Variants in WWOX observed in about 807,000 individuals in gnomAD.
WWOX encodes the protein WW domain containing oxidoreductase.
WWOX carries 69 observed loss-of-function variants against 46.2 expected under a neutral mutation model. That is an observed-to-expected ratio of 1.49 (90% confidence interval 1.23 to 1.82). The LOEUF (loss-of-function observed/expected upper bound fraction) is 1.82. WWOX is among the 40% of genes most tolerant of loss of function. The probability of loss-of-function intolerance (pLI) is 0.00; values close to 1 mark genes in which losing one functional copy is unlikely to be tolerated. For missense variants in WWOX, 919 were observed against 542.6 expected (o/e 1.69, Z -6.89); for synonymous variants, 359 against 202.6 (o/e 1.77, Z -6.56).
chr16:78,972,860 T>G (rs1006762866), intron 8 of WWOX, among the ~76,000 whole-genome samples: 1 of 152,236 alleles, frequency 6.6e-6, no homozygotes, highest in Non-Finnish European at 1.5e-5. Context: ...TCCTCTGAAC[T>G]TAACACGTCT....
intron 6 of WWOX, among the ~76,000 whole-genome samples, chr16:78,414,628 C>T (rs146854306): frequency 1.8e-4 from 27 of 152,266 alleles, no homozygotes; most frequent in Middle Eastern, 3.4e-3. Context: ...ATCTTAGGTT[C>T]TACAACAGTG....
At chr16:78,586,381 G>C (rs192368737) in intron 8 of WWOX, among the ~76,000 whole-genome samples, 1 of 152,036 alleles carries the variant, frequency 6.6e-6, no homozygotes. Context: ...CCATGTCTCA[G>C]TTTCCTTCCT....
intron 8 of WWOX, among the ~76,000 whole-genome samples, chr16:79,036,447 G>A (rs1386196132): frequency 6.6e-6 from 1 of 152,194 alleles, no homozygotes; most frequent in East Asian, 1.9e-4. Flanking sequence ...TGCATTTGCT[G>A]CATCATTCAT....
chr16:78,887,244 C>A (rs528070289), intron 8 of WWOX, among the ~76,000 whole-genome samples: 1 of 151,898 alleles, frequency 6.6e-6, no homozygotes, highest in East Asian at 1.9e-4. Flanking sequence ...ATTGTCATGA[C>A]TGTAAAATGC....
intron 8 of WWOX, among the ~76,000 whole-genome samples, chr16:79,150,177 C>G (rs568693039): frequency 6.6e-6 from 1 of 152,306 alleles, no homozygotes; most frequent in East Asian, 1.9e-4. Flanking sequence ...AAAATGAAAA[C>G]TCTTCTTGTT....
At chr16:78,393,383 C>T (rs543362669) in intron 6 of WWOX, among the ~76,000 whole-genome samples, 157 of 152,172 alleles carry the variant, frequency 1.0e-3, no homozygotes, top group Middle Eastern at 3.4e-3. Flanking sequence ...TATGGCTGGG[C>T]GCAATGGTTC....
chr16:78,707,288 A>G (rs758309178), intron 8 of WWOX, among the ~76,000 whole-genome samples: 24 of 152,228 alleles, frequency 1.6e-4, no homozygotes, highest in Non-Finnish European at 3.1e-4. Context: ...GTTAACGTAC[A>G]TGCAAAAATC....
At chr16:78,893,901 G>C (rs1369470604) in intron 8 of WWOX, among the ~76,000 whole-genome samples, 1 of 152,072 alleles carries the variant, frequency 6.6e-6, no homozygotes, top group African/African-American at 2.4e-5. Context: ...CATCTTTTGA[G>C]TTGATATGCA....
At chr16:78,205,374 A>G (rs2036357608) in intron 5 of WWOX, among the ~76,000 whole-genome samples, 1 of 150,364 alleles carries the variant, frequency 6.7e-6, no homozygotes, top group Non-Finnish European at 1.5e-5. Context: ...TCGTTCATAC[A>G]TCCTTTCATT....
intron 8 of WWOX, among the ~76,000 whole-genome samples, chr16:78,932,564 C>G (rs1176091357): frequency 5.9e-5 from 9 of 152,192 alleles, no homozygotes; most frequent in Admixed American, 5.2e-4. Context: ...ATGCTGTCCT[C>G]GAAATGTTCC....
chr16:79,153,241 A>G (rs892873379), intron 8 of WWOX, among the ~76,000 whole-genome samples: 12 of 152,112 alleles, frequency 7.9e-5, no homozygotes, highest in Middle Eastern at 3.2e-3. Context: ...TTCCAGCACT[A>G]AAGTTTGACC....
chr16:78,373,918 G>GC (rs1175596809), intron 5 of WWOX, among the ~76,000 whole-genome samples: 1 of 151,176 alleles, frequency 6.6e-6, no homozygotes, highest in African/African-American at 2.4e-5. Context: ...CTCCCAAGTA[G>GC]CTGCATTAAA....
chr16:78,821,245 G>A (rs2051484738), intron 8 of WWOX, among the ~76,000 whole-genome samples: 1 of 152,222 alleles, frequency 6.6e-6, no homozygotes, highest in African/African-American at 2.4e-5. Flanking sequence ...GTTACCTGAA[G>A]AGCAGAAGGA....
chr16:78,819,694 C>T (rs1443022052), intron 8 of WWOX, among the ~76,000 whole-genome samples: 1 of 152,210 alleles, frequency 6.6e-6, no homozygotes, highest in African/African-American at 2.4e-5. Context: ...CTGGGCAAAG[C>T]CAAGAACCCT....
intron 6 of WWOX, among the ~76,000 whole-genome samples, chr16:78,421,504 C>T (rs2082930116): frequency 6.6e-6 from 1 of 152,160 alleles, no homozygotes; most frequent in Non-Finnish European, 1.5e-5. Flanking sequence ...GACTTAATCA[C>T]ATTTGCGAAG....
chr16:78,356,089 AAAAAG>A (rs1379229529), intron 5 of WWOX, among the ~76,000 whole-genome samples: 4 of 75,660 alleles, frequency 5.3e-5, no homozygotes, highest in South Asian at 3.1e-4. Context: ...AAAAAAAAAA[AAAAAG>A]AAGAATCGAT....
intron 8 of WWOX, among the ~76,000 whole-genome samples, chr16:78,655,508 T>G (rs1191766491): frequency 6.6e-6 from 1 of 152,180 alleles, no homozygotes; most frequent in Non-Finnish European, 1.5e-5. Context: ...CCAAAAGATC[T>G]CTTGACAGGA....
chr16:78,192,907 C>T (rs1386453122), intron 5 of WWOX, among the ~76,000 whole-genome samples: 4 of 152,200 alleles, frequency 2.6e-5, no homozygotes, highest in Admixed American at 6.5e-5. Flanking sequence ...GTATTGGCCA[C>T]CTTTTGCCGC....
At chr16:78,166,152 A>G (rs375386206) in intron 5 of WWOX, among the ~76,000 whole-genome samples, 3 of 151,762 alleles carry the variant, frequency 2.0e-5, no homozygotes, top group East Asian at 1.9e-4. Flanking sequence ...ACACACTCAC[A>G]TTCTGTTCTG....
Sources: gnomAD v4.1 joint callset for allele counts (sites outside exome capture counted in the v4.1 genomes callset) on GRCh38, gnomAD v4.1.1 for gene constraint, MANE v1.5 for transcripts, NCBI Gene and HGNC (gene_info 2026-07-23, HGNC 2026-07-21) for gene names.